COL6A6: variants seen among roughly 807,000 people sequenced by gnomAD.
COL6A6 encodes the protein collagen type VI alpha 6 chain.
Under a neutral mutation model 208.6 loss-of-function variants are expected in COL6A6, and 183 were observed. The ratio of observed to expected loss-of-function variants is 0.88; its 90% CI spans 0.78 to 0.99. COL6A6 has a LOEUF of 0.99. Ranked by LOEUF, COL6A6 falls within the 50% of genes least tolerant of loss-of-function variation. COL6A6 has a pLI of 0.00. For missense variants in COL6A6, 2,816 were observed against 2,815.2 expected (o/e 1.00, Z -0.01); for synonymous variants, 973 against 1,011.8 (o/e 0.96, Z 0.73).
chr3:130,617,730 T>C (rs2064575375), intron 23 of COL6A6, among the ~76,000 whole-genome samples: 1 of 152,170 alleles, frequency 6.6e-6, no homozygotes, highest in African/African-American at 2.4e-5. Context: ...TTGATATTTG[T>C]TCATTGTGAG....
At chr3:130,672,800 A>G (rs1374141374) in intron 36 of COL6A6, among the ~76,000 whole-genome samples, 1 of 151,454 alleles carries the variant, frequency 6.6e-6, no homozygotes, top group East Asian at 2.0e-4. Context: ...CAGGAGGTCA[A>G]GAAATCAAAA....
chr3:130,517,876 A>T (rs1710834442), intron 1 of COL6A6, among the ~76,000 whole-genome samples: 1 of 152,230 alleles, frequency 6.6e-6, no homozygotes, highest in South Asian at 2.1e-4. Flanking sequence ...TGCACTTCAC[A>T]CAAATTTATT....
At chr3:130,599,265 A>G (rs1215254227) in intron 19 of COL6A6, among the ~76,000 whole-genome samples, 5 of 152,214 alleles carry the variant, frequency 3.3e-5, no homozygotes, top group Non-Finnish European at 7.3e-5. Context: ...AAATTATTGC[A>G]TACTTTTGTA....
At chr3:130,518,055 G>T (rs529799667) in intron 1 of COL6A6, among the ~76,000 whole-genome samples, 1 of 151,812 alleles carries the variant, frequency 6.6e-6, no homozygotes, top group African/African-American at 2.4e-5. Context: ...GCTGGAAGAG[G>T]AAAAAAAATG....
chr3:130,550,842 C>T (rs960088527), intron 1 of COL6A6, among the ~76,000 whole-genome samples: 1 of 152,084 alleles, frequency 6.6e-6, no homozygotes, highest in Non-Finnish European at 1.5e-5. Flanking sequence ...TCCTTCAATC[C>T]CCAGTTTGTT....
Position 130,631,306 on chromosome 3 carries a change from G to A in COL6A6, c.4993-3284G>A, listed in dbSNP as rs1390050257. Among the ~76,000 whole-genome samples the A allele has an allele frequency of 1.3e-4, 14 of 109,828 alleles. 4 individuals carry two copies. The highest frequency in any genetic ancestry group is 6.6e-4 in the African/African-American group (11 of 16,746). 72.1% of individuals were successfully genotyped at this position (109,828 alleles called of 152,430 possible). ...ATAAACTAGAAAATCTGGAAGAAAC[G>A]GATACATTCCTCGACACATACACTC... On this transcript the variant is annotated intron_variant, in intron 26 of 36. Coordinates refer to ENST00000358511, the MANE Select transcript of COL6A6 (RefSeq NM_001102608.3).
At chr3:130,536,276 C>T (rs2062222449) in intron 1 of COL6A6, among the ~76,000 whole-genome samples, 1 of 152,186 alleles carries the variant, frequency 6.6e-6, no homozygotes, top group Non-Finnish European at 1.5e-5. Flanking sequence ...TCCTTCTGTC[C>T]TTACACAAGA....
At chr3:130,573,072 T>A (rs1343284051) in intron 7 of COL6A6, among the ~76,000 whole-genome samples, 1 of 152,242 alleles carries the variant, frequency 6.6e-6, no homozygotes, top group Non-Finnish European at 1.5e-5. Context: ...TATTTTTGCC[T>A]ACATACAGCA....
intron 1 of COL6A6, among the ~76,000 whole-genome samples, chr3:130,523,542 A>C (rs534531848): frequency 3.9e-5 from 6 of 152,222 alleles, no homozygotes; most frequent in Admixed American, 6.5e-5. Flanking sequence ...ATTCAAGCAC[A>C]GGGTGATTGA....
intron 1 of COL6A6, among the ~76,000 whole-genome samples, chr3:130,548,836 C>G: frequency 6.6e-6 from 1 of 152,228 alleles, no homozygotes; most frequent in Non-Finnish European, 1.5e-5. Flanking sequence ...GATTTCTTTT[C>G]TGGTAAGTTG....
At chr3:130,634,365 G>A (rs1011519677) in intron 26 of COL6A6, among the ~76,000 whole-genome samples, 3 of 151,926 alleles carry the variant, frequency 2.0e-5, no homozygotes, top group Non-Finnish European at 2.9e-5. Context: ...TATACTTTTA[G>A]CCACCTAGGT....
At chr3:130,566,077 G>A (rs577571748) in intron 4 of COL6A6, among the ~76,000 whole-genome samples, 1 of 152,212 alleles carries the variant, frequency 6.6e-6, no homozygotes, top group Admixed American at 6.5e-5. Flanking sequence ...ATTTGTTGTG[G>A]GGTACCATTC....
intron 32 of COL6A6, among the ~76,000 whole-genome samples, chr3:130,647,042 C>T (rs958634208): frequency 3.0e-4 from 45 of 152,156 alleles, no homozygotes; most frequent in Admixed American, 1.2e-3. Context: ...TGGGCTGATC[C>T]TTGCCTCCCT....
At position 130,598,434 on chromosome 3, in the gene COL6A6, A is replaced by G. The variant is rs1338140899; in HGVS notation, c.4599+4A>G. The G allele has an allele frequency of 1.9e-6, 3 of 1,544,850 alleles. No individual in the cohort carries two copies. In the South Asian group the frequency reaches 3.6e-5, roughly 18 times the overall value. ...GAAAGGAGAACGTGGAAGACAAGTA[A>G]TTACGTGGGCTTGTAAAATCGTGAT... On this transcript the variant is annotated splice_donor_region_variant and intron_variant, in intron 19 of 36. Transcript: ENST00000358511.
intron 32 of COL6A6, 40 bp from the exon 33 acceptor site, chr3:130,649,029 T>TTA: frequency 1.4e-6 from 2 of 1,389,960 alleles, no homozygotes; most frequent in Non-Finnish European, 1.9e-6. Flanking sequence ...TTTTTTTTTT[T>TTA]AAATAAGGAT....
chr3:130,568,083 T>C lies in COL6A6; in HGVS notation c.1880T>C (p.Val627Ala), dbSNP rs1052975845. 1 of 1,613,286 alleles carries C rather than the reference T, an allele frequency of 6.2e-7. No homozygotes were observed. The highest frequency in any genetic ancestry group is 8.5e-7 in the Non-Finnish European group (1 of 1,179,612). ...KEMKADIMFL[V>A]DSSGSIGPEN... ...ATGAAAGCTGACATCATGTTTCTGG[T>C]GGACAGTTCTGGAAGTATAGGACCT... The change falls in exon 6 of 37, where the codon GTG (valine) becomes GCG (alanine). Residue 627 changes from valine to alanine, a missense_variant. Transcript: ENST00000358511.
Position 130,662,213 on chromosome 3 carries a change from C to T in COL6A6, c.6407C>T (p.Pro2136Leu). Reference sequence around the variant, plus strand: ...GAACTGGAGGATCTCGCCAGCCACCCTTTGGATCACCACCTGGTCCAGCTT... The same window carrying T: ...GAACTGGAGGATCTCGCCAGCCACCTTTTGGATCACCACCTGGTCCAGCTT... ...DKELEDLASH[P>L]LDHHLVQLGR... Residue 2136 changes from proline to leucine, a missense_variant, in exon 35 of 37, where the codon CCT becomes CTT. Pro to Leu is a moderately conservative substitution (Grantham distance 98). Coordinates refer to ENST00000358511, the MANE Select transcript of COL6A6 (RefSeq NM_001102608.3). 1 of 1,614,002 alleles carries T rather than the reference C, an allele frequency of 6.2e-7. No individual in the cohort carries two copies. The highest frequency in any genetic ancestry group is 1.3e-5 in the African/African-American group (1 of 75,046).
chr3:130,652,241 G>T lies in COL6A6; in HGVS notation c.5733+2679G>T, dbSNP rs2065666618. Reference sequence around the variant, plus strand: ...CAGTTCTTTGCAACAGGTATAGAAAGAACAAAAGTTTAATAATGTGTGAGA... The same window carrying T: ...CAGTTCTTTGCAACAGGTATAGAAATAACAAAAGTTTAATAATGTGTGAGA... On this transcript the variant is annotated intron_variant, in intron 33 of 36. Transcript: ENST00000358511. Among the ~76,000 whole-genome samples, 6 of 152,206 alleles carry T rather than the reference G, an allele frequency of 3.9e-5. 1 individual carries two copies. In the South Asian group the frequency reaches 1.2e-3, roughly 31 times the overall value.
At chr3:130,565,919 T>C (rs2063009423) in intron 4 of COL6A6, among the ~76,000 whole-genome samples, 1 of 152,226 alleles carries the variant, frequency 6.6e-6, no homozygotes. Flanking sequence ...TGTCTTTCTC[T>C]CTTTTGCCTC....
Sources: gnomAD v4.1 joint callset for allele counts (sites outside exome capture counted in the v4.1 genomes callset) on GRCh38, gnomAD v4.1.1 for gene constraint, MANE v1.5 for transcripts, NCBI Gene and HGNC (gene_info 2026-07-23, HGNC 2026-07-21) for gene names.